The following VTI1A variants were observed in gnomAD, a reference collection of about 807,000 sequenced individuals.
VTI1A encodes the protein vesicle transport through interaction with t-SNAREs 1A.
VTI1A carries 22 observed loss-of-function variants against 34.9 expected under a neutral mutation model. That is an observed-to-expected ratio of 0.63 (90% CI 0.45 to 0.90). The LOEUF (loss-of-function observed/expected upper bound fraction) is 0.90. Ranked by LOEUF, VTI1A falls within the 40% of genes least tolerant of loss-of-function variation. The pLI, the probability that VTI1A is intolerant of heterozygous loss-of-function variation, is 0.00. For missense variants in VTI1A, 268 were observed against 275.6 expected (o/e 0.97, Z 0.20); for synonymous variants, 87 against 97.3 (o/e 0.89, Z 0.62).
At chr10:112,636,247 AC>A (rs556480271) in intron 5 of VTI1A, among the ~76,000 whole-genome samples, 49 of 152,364 alleles carry the variant, frequency 3.2e-4, no homozygotes, top group African/African-American at 1.2e-3. Flanking sequence ...CACTTTGTAG[AC>A]CAATAATCTT....
intron 5 of VTI1A, among the ~76,000 whole-genome samples, chr10:112,540,168 C>T (rs1298329881): frequency 3.3e-5 from 5 of 152,164 alleles, no homozygotes; most frequent in African/African-American, 1.2e-4. Context: ...ATAGCTCCCT[C>T]CCAAAGCTGA....
intron 3 of VTI1A, among the ~76,000 whole-genome samples, chr10:112,522,601 G>T (rs1258772947): frequency 6.6e-6 from 1 of 152,110 alleles, no homozygotes; most frequent in Non-Finnish European, 1.5e-5. Flanking sequence ...ATTGTCTTCA[G>T]CAGCCCCATT....
chr10:112,835,615 C>A, the VTI1A span, among the ~76,000 whole-genome samples: 2 of 152,096 alleles, frequency 1.3e-5, no homozygotes, highest in African/African-American at 4.8e-5. Context: ...GAACATATTA[C>A]CTTTCATGTG....
chr10:112,697,639 G>A (rs1017531980), intron 7 of VTI1A, among the ~76,000 whole-genome samples: 1 of 151,712 alleles, frequency 6.6e-6, no homozygotes, highest in Non-Finnish European at 1.5e-5. Context: ...CAGGTGATCC[G>A]CCCACCTCAG....
At chr10:112,558,879 A>C (rs1256171061) in intron 5 of VTI1A, among the ~76,000 whole-genome samples, 1 of 152,216 alleles carries the variant, frequency 6.6e-6, no homozygotes, top group Non-Finnish European at 1.5e-5. Context: ...ATTAAAGAGT[A>C]CATCAATTTG....
At chr10:112,532,078 A>C (rs1358982231) in intron 4 of VTI1A, among the ~76,000 whole-genome samples, 1 of 152,166 alleles carries the variant, frequency 6.6e-6, no homozygotes, top group South Asian at 2.1e-4. Flanking sequence ...TAACTTATGT[A>C]CCCTTTTTAT....
intron 7 of VTI1A, among the ~76,000 whole-genome samples, chr10:112,728,832 G>T (rs997995958): frequency 6.6e-6 from 1 of 152,098 alleles, no homozygotes; most frequent in Non-Finnish European, 1.5e-5. Flanking sequence ...TACCAGGCAT[G>T]GGGCTATGCA....
At chr10:112,833,331 C>T in the VTI1A span, among the ~76,000 whole-genome samples, 1 of 118,716 alleles carries the variant, frequency 8.4e-6, no homozygotes, top group African/African-American at 2.6e-5. Flanking sequence ...ATCCTCATAC[C>T]CCTCTCCAGT....
At chr10:112,780,383 T>A (rs1431334883) in intron 7 of VTI1A, among the ~76,000 whole-genome samples, 1 of 152,068 alleles carries the variant, frequency 6.6e-6, no homozygotes. Flanking sequence ...AGCACCATGA[T>A]CTTGGTGGAA....
chr10:112,492,002 G>A (rs1031799523), intron 3 of VTI1A, among the ~76,000 whole-genome samples: 3 of 152,256 alleles, frequency 2.0e-5, no homozygotes, highest in Admixed American at 1.3e-4. Context: ...AGTTTAGTTG[G>A]TCTAGGTGTA....
chr10:112,458,407 A>G (rs1315402337), intron 1 of VTI1A, among the ~76,000 whole-genome samples: 1 of 152,304 alleles, frequency 6.6e-6, no homozygotes, highest in South Asian at 2.1e-4. Context: ...ATTTGGGATC[A>G]TCTATTAAAT....
intron 3 of VTI1A, among the ~76,000 whole-genome samples, chr10:112,466,221 A>G (rs1253181451): frequency 6.6e-6 from 1 of 152,182 alleles, no homozygotes; most frequent in African/African-American, 2.4e-5. Flanking sequence ...TTTGGAGGGT[A>G]CAGCTTCTAG....
intron 7 of VTI1A, among the ~76,000 whole-genome samples, chr10:112,789,554 A>G (rs1182242438): frequency 6.6e-6 from 1 of 152,040 alleles, no homozygotes; most frequent in Non-Finnish European, 1.5e-5. Flanking sequence ...CATTACACAT[A>G]TGTTGGTATG....
At chr10:112,596,324 C>T (rs1844644274) in intron 5 of VTI1A, among the ~76,000 whole-genome samples, 4 of 151,918 alleles carry the variant, frequency 2.6e-5, no homozygotes, top group African/African-American at 7.3e-5. Flanking sequence ...ATAAAAAAGC[C>T]TGCTTTTAGA....
intron 5 of VTI1A, among the ~76,000 whole-genome samples, chr10:112,595,473 A>T (rs973964312): frequency 6.6e-6 from 1 of 152,112 alleles, no homozygotes; most frequent in Admixed American, 6.6e-5. Flanking sequence ...AAGAAAAAAA[A>T]CAAACAACCC....
chr10:112,620,054 G>A (rs991639878), intron 5 of VTI1A, among the ~76,000 whole-genome samples: 1 of 152,184 alleles, frequency 6.6e-6, no homozygotes, highest in Admixed American at 6.5e-5. Flanking sequence ...GCAACAGTCT[G>A]GAAATCCTGG....
intron 7 of VTI1A, among the ~76,000 whole-genome samples, chr10:112,730,451 G>A (rs1181271036): frequency 1.3e-5 from 2 of 152,188 alleles, no homozygotes; most frequent in African/African-American, 4.8e-5. Flanking sequence ...TTCATTTAGA[G>A]TGAGGGATGA....
intron 7 of VTI1A, among the ~76,000 whole-genome samples, chr10:112,775,508 A>G (rs1010268242): frequency 6.6e-6 from 1 of 152,254 alleles, no homozygotes; most frequent in Non-Finnish European, 1.5e-5. Flanking sequence ...TAGTGTTTCT[A>G]TCACCTAAAG....
intron 3 of VTI1A, among the ~76,000 whole-genome samples, chr10:112,479,003 C>G (rs1016396046): frequency 1.3e-5 from 2 of 151,996 alleles, no homozygotes; most frequent in African/African-American, 4.8e-5. Context: ...CCTGTCTGTA[C>G]TAAAAATACA....
Sources: allele counts gnomAD v4.1 joint callset (sites outside exome capture counted in the v4.1 genomes callset), GRCh38; gene constraint gnomAD v4.1.1; transcripts MANE v1.5; gene names NCBI Gene and HGNC (gene_info 2026-07-23, HGNC 2026-07-21).